GPC5: variants seen among roughly 807,000 people sequenced by gnomAD.
GPC5 encodes glypican-5.
Under a neutral mutation model 53.9 loss-of-function variants are expected in GPC5, and 47 were observed. The ratio of observed to expected loss-of-function variants is 0.87; its 90% CI spans 0.69 to 1.11. The LOEUF (loss-of-function observed/expected upper bound fraction) is 1.11. Ranked by LOEUF, GPC5 falls within the 50% of genes most tolerant of loss-of-function variation. The pLI, the probability that GPC5 is intolerant of heterozygous loss-of-function variation, is 0.00. For missense variants in GPC5, 748 were observed against 713.1 expected, an observed-to-expected ratio of 1.05 and a Z score of -0.56; for synonymous variants, 286 against 263.3, an observed-to-expected ratio of 1.09 and a Z score of -0.84.
chr13:92,527,693 A>G (rs1430068147), intron 7 of GPC5, among the ~76,000 whole-genome samples: 1 of 152,172 alleles, frequency 6.6e-6, no homozygotes. Flanking sequence ...AGTATTTTCA[A>G]TAGAACTTAT....
At position 91,638,153 on chromosome 13, in the gene GPC5, G is replaced by T. The variant is rs148164780; in HGVS notation, c.326-55034G>T. Reference sequence around the variant, plus strand: ...TGAGAGAAAACAAGCACAGAAAGGGGCTGCTCACCTAGAAACCAGGTGGAC... The same window carrying T: ...TGAGAGAAAACAAGCACAGAAAGGGTCTGCTCACCTAGAAACCAGGTGGAC... On this transcript the variant is annotated intron_variant, in intron 2 of 7. Transcript: ENST00000377067. 6.5e-4 allele frequency among the ~76,000 whole-genome samples: 99 copies of T among 152,254 alleles called. 1 individual carries two copies. The highest frequency in any genetic ancestry group is 5.6e-3 in the South Asian group (27 of 4,816).
intron 7 of GPC5, among the ~76,000 whole-genome samples, chr13:92,759,799 T>C (rs369989443): frequency 2.6e-5 from 4 of 152,198 alleles, no homozygotes; most frequent in African/African-American, 7.2e-5. Flanking sequence ...TACCAGATCT[T>C]AGAAGAAAAG....
At chr13:92,325,904 A>C (rs1471422743) in intron 7 of GPC5, among the ~76,000 whole-genome samples, 2 of 152,070 alleles carry the variant, frequency 1.3e-5, no homozygotes, top group Non-Finnish European at 2.9e-5. Flanking sequence ...ATTGATGGAT[A>C]GGTTCATTAT....
chr13:91,475,983 C>T (rs1416432757), intron 2 of GPC5, among the ~76,000 whole-genome samples: 5 of 152,274 alleles, frequency 3.3e-5, no homozygotes, highest in Admixed American at 2.6e-4. Flanking sequence ...TGGAAATAAA[C>T]GAATCTGCTA....
intron 2 of GPC5, among the ~76,000 whole-genome samples, chr13:91,462,367 T>A (rs1346103154): frequency 6.6e-6 from 1 of 152,216 alleles, no homozygotes; most frequent in African/African-American, 2.4e-5. Context: ...TTCAAATTAG[T>A]CCTTTTCAAA....
chr13:92,435,774 A>C (rs1453791688), intron 7 of GPC5, among the ~76,000 whole-genome samples: 2 of 152,238 alleles, frequency 1.3e-5, no homozygotes, highest in East Asian at 3.8e-4. Flanking sequence ...GCTCATGGAC[A>C]CAGGCAATTC....
At chr13:92,282,735 G>A (rs779684907) in intron 7 of GPC5, among the ~76,000 whole-genome samples, 9 of 152,114 alleles carry the variant, frequency 5.9e-5, no homozygotes, top group Non-Finnish European at 1.0e-4. Context: ...AAGAGTTCAG[G>A]AAGGAAACAC....
rs760701471 is a variant in GPC5 at position 92,866,453 on chromosome 13, T to C, written c.*14T>C. 3 of 1,581,602 alleles carry C rather than the reference T, an allele frequency of 1.9e-6. No homozygotes were observed. The highest frequency in any genetic ancestry group is 2.6e-6 in the Non-Finnish European group (3 of 1,159,932). ...GGGATTTGGTAACTGAACTCTTCTG[T>C]CCTGACATACCTTACTGAAGTCTCG... On this transcript the variant is annotated 3_prime_UTR_variant, in exon 8 of 8. Coordinates refer to ENST00000377067, the MANE Select transcript of GPC5 (RefSeq NM_004466.6).
chr13:92,489,693 A>C (rs188517665), intron 7 of GPC5, among the ~76,000 whole-genome samples: 228 of 152,200 alleles, frequency 1.5e-3, no homozygotes, highest in Non-Finnish European at 2.6e-3. Context: ...CTTTCTCCAC[A>C]TTCCCTACAG....
At chr13:92,103,124 A>C (rs1422133691) in intron 6 of GPC5, among the ~76,000 whole-genome samples, 1 of 151,722 alleles carries the variant, frequency 6.6e-6, no homozygotes, top group East Asian at 1.9e-4. Context: ...AGCCTCCCAA[A>C]GTTCTGGAAT....
chr13:92,287,812 T>C (rs2042966684), intron 7 of GPC5, among the ~76,000 whole-genome samples: 1 of 152,302 alleles, frequency 6.6e-6, no homozygotes, highest in Non-Finnish European at 1.5e-5. Context: ...TCCATCAAAT[T>C]TGGAAACTTG....
chr13:91,846,939 G>A (rs1490793091), intron 5 of GPC5, among the ~76,000 whole-genome samples: 2 of 152,086 alleles, frequency 1.3e-5, no homozygotes, highest in Non-Finnish European at 2.9e-5. Flanking sequence ...ATGGGTGCGG[G>A]CTGGGCACGG....
intron 2 of GPC5, among the ~76,000 whole-genome samples, chr13:91,676,434 A>G (rs546889292): frequency 7.2e-4 from 110 of 152,224 alleles, no homozygotes; most frequent in African/African-American, 2.6e-3. Flanking sequence ...CCAATATACC[A>G]TCATGGATAT....
At chr13:91,826,004 A>T (rs2038570590) in intron 5 of GPC5, among the ~76,000 whole-genome samples, 1 of 152,108 alleles carries the variant, frequency 6.6e-6, no homozygotes, top group African/African-American at 2.4e-5. Flanking sequence ...CACCAGTGAG[A>T]CAGATCGTGA....
rs948276217 is a variant in GPC5, at chr13:91,731,733, C to A, written c.1154+3068C>A. On this transcript the variant is annotated intron_variant, in intron 4 of 7. Coordinates refer to ENST00000377067, the MANE Select transcript of GPC5 (RefSeq NM_004466.6). ...TGTGTGATGTTCCCCTCCCTATATA[C>A]ATGTGTTCTCATTATTCAGTTCCCA... Among the ~76,000 whole-genome samples the A allele has an allele frequency of 4.6e-5, 7 of 152,226 alleles. No homozygotes were observed. In the East Asian group the frequency reaches 1.4e-3, roughly 29 times the overall value.
intron 7 of GPC5, among the ~76,000 whole-genome samples, chr13:92,615,877 C>G (rs1213604754): frequency 6.6e-6 from 1 of 152,140 alleles, no homozygotes; most frequent in Non-Finnish European, 1.5e-5. Flanking sequence ...ACAGGTGAAA[C>G]CCCGTCTCTA....
At chr13:92,406,702 T>C (rs924200079) in intron 7 of GPC5, among the ~76,000 whole-genome samples, 1 of 152,186 alleles carries the variant, frequency 6.6e-6, no homozygotes, top group Non-Finnish European at 1.5e-5. Context: ...CAGTCAATTG[T>C]GTGTTTTCTT....
intron 7 of GPC5, among the ~76,000 whole-genome samples, chr13:92,742,044 T>A (rs371657930): frequency 6.7e-6 from 1 of 149,038 alleles, no homozygotes; most frequent in East Asian, 2.0e-4. Flanking sequence ...ACAATAAACA[T>A]ACGTGTGCAT....
chr13:91,805,854 TA>T (rs950871043), intron 5 of GPC5, among the ~76,000 whole-genome samples: 1 of 152,052 alleles, frequency 6.6e-6, no homozygotes, highest in African/African-American at 2.4e-5. Flanking sequence ...CTCTCTTATA[TA>T]AAGTACCAGA....
Sources: gnomAD v4.1 joint callset for allele counts (sites outside exome capture counted in the v4.1 genomes callset) on GRCh38, gnomAD v4.1.1 for gene constraint, MANE v1.5 for transcripts, NCBI Gene and HGNC (gene_info 2026-07-23, HGNC 2026-07-21) for gene names.